TLE1: variants seen among roughly 807,000 people sequenced by gnomAD.
The protein encoded by TLE1 is TLE family member 1, transcriptional corepressor.
A neutral mutation model predicts 89.8 loss-of-function variants in TLE1; 21 were observed. That is an observed-to-expected ratio of 0.23 (90% CI 0.17 to 0.34). TLE1 has a LOEUF of 0.34. TLE1 is among the 10% of genes least tolerant of loss of function. The pLI, the probability that TLE1 is intolerant of heterozygous loss-of-function variation, is 1.00. For missense variants in TLE1, 795 were observed against 1,031.2 expected, an observed-to-expected ratio of 0.77 and a Z score of 3.14; for synonymous variants, 447 against 407.6, an observed-to-expected ratio of 1.10 and a Z score of -1.16.
intron 4 of TLE1, among the ~76,000 whole-genome samples, chr9:81,657,316 G>T (rs1252916718): frequency 6.6e-6 from 1 of 152,140 alleles, no homozygotes; most frequent in African/African-American, 2.4e-5. Flanking sequence ...TCAAATGAAA[G>T]CATTTTCTTC....
intron 9 of TLE1, among the ~76,000 whole-genome samples, chr9:81,617,580 C>T (rs1342519502): frequency 1.3e-5 from 2 of 152,014 alleles, no homozygotes; most frequent in African/African-American, 4.8e-5. Context: ...CGCATGCCTG[C>T]AGTCACAGCT....
chr9:81,656,145 A>G (rs1185001550), intron 4 of TLE1, among the ~76,000 whole-genome samples: 2 of 152,146 alleles, frequency 1.3e-5, no homozygotes, highest in Non-Finnish European at 2.9e-5. Context: ...ATATATGCAA[A>G]AAGGGTGCAG....
chr9:81,623,253 C>T (rs1825502676), intron 8 of TLE1, among the ~76,000 whole-genome samples: 1 of 152,060 alleles, frequency 6.6e-6, no homozygotes, highest in African/African-American at 2.4e-5. Flanking sequence ...CTGTGTGTTG[C>T]TTATGGCTCC....
chr9:81,625,344 GAAGAA>G (rs1274769735), intron 8 of TLE1, among the ~76,000 whole-genome samples: 1 of 152,178 alleles, frequency 6.6e-6, no homozygotes, highest in African/African-American at 2.4e-5. Context: ...GAGCTGGTCA[GAAGAA>G]AAGAGGAATG....
At chr9:81,685,545 G>A (rs981225745) in intron 4 of TLE1, 131 bp downstream of exon 4, 2 of 813,756 alleles carry the variant, frequency 2.5e-6, no homozygotes, top group South Asian at 1.8e-5. Flanking sequence ...CAATCCACAG[G>A]ACAGGAAACC....
chr9:81,628,181 G>A (rs1322419911), intron 8 of TLE1, among the ~76,000 whole-genome samples: 1 of 152,170 alleles, frequency 6.6e-6, no homozygotes, highest in Non-Finnish European at 1.5e-5. Flanking sequence ...GCGGTGGGAG[G>A]AGGGCATTCC....
At chr9:81,612,409 C>G in intron 12 of TLE1, 1 of 973,130 alleles carries the variant, frequency 1.0e-6, no homozygotes. Context: ...TTTACGTAAA[C>G]CAAAGCACGG....
intron 10 of TLE1, 138 bp from the exon 11 acceptor site, chr9:81,616,272 G>T: frequency 9.6e-7 from 1 of 1,038,374 alleles, no homozygotes. Flanking sequence ...CCAACACCAT[G>T]TTATAAATGA....
intron 1 of TLE1, among the ~76,000 whole-genome samples, chr9:81,687,755 C>G (rs1363647055): frequency 2.0e-5 from 3 of 151,960 alleles, no homozygotes; most frequent in Non-Finnish European, 2.9e-5. Flanking sequence ...TGTCGCCGCC[C>G]CTTCCCCCAC....
chr9:81,660,886 G>C (rs1830681893), intron 4 of TLE1, among the ~76,000 whole-genome samples: 1 of 148,380 alleles, frequency 6.7e-6, no homozygotes, highest in African/African-American at 2.5e-5. Flanking sequence ...CACGAGGTCA[G>C]GAGGTCAAGA....
chr9:81,586,736 GCT>G (rs1828525521), intron 17 of TLE1, among the ~76,000 whole-genome samples: 1 of 152,116 alleles, frequency 6.6e-6, no homozygotes, highest in Non-Finnish European at 1.5e-5. Context: ...TTTCATAAAT[GCT>G]TGGACATTTG....
chr9:81,624,441 C>T (rs1825671248), intron 8 of TLE1, among the ~76,000 whole-genome samples: 1 of 152,136 alleles, frequency 6.6e-6, no homozygotes, highest in African/African-American at 2.4e-5. Flanking sequence ...GACCTATTTG[C>T]CACTGCAGAC....
Position 81,633,610 on chromosome 9 carries a change from A to C in TLE1, c.578-246T>G, listed in dbSNP as rs895035749. The C allele has an allele frequency of 3.0e-5, 17 of 567,502 alleles. No homozygotes were observed. The East Asian group carries it at 3.9e-4, about 13-fold the overall frequency. The allele number at this position is 567,502 out of a possible 1,614,324, so 35.2% of individuals were successfully genotyped here. ...CTATTTTTTTATTTCTTGACAGAAT[A>C]AATTACTTTTCTTCAAAAAATTAGT... On this transcript the variant is annotated intron_variant, in intron 7 of 19. Coordinates refer to ENST00000376499, the MANE Select transcript of TLE1 (RefSeq NM_005077.5).
chr9:81,685,585 C>G, intron 4 of TLE1, 91 bp downstream of exon 4: 6 of 1,328,544 alleles, frequency 4.5e-6, no homozygotes, highest in Non-Finnish European at 6.3e-6. Context: ...CAAACCCCCA[C>G]CCCTAGAGCC....
At chr9:81,646,023 A>G (rs1828815830) in intron 6 of TLE1, among the ~76,000 whole-genome samples, 1 of 152,212 alleles carries the variant, frequency 6.6e-6, no homozygotes. Context: ...TAAAAATCAC[A>G]GGAAACTATG....
intron 4 of TLE1, among the ~76,000 whole-genome samples, chr9:81,676,041 C>T (rs1202069003): frequency 1.3e-5 from 2 of 152,120 alleles, no homozygotes; most frequent in Non-Finnish European, 2.9e-5. Flanking sequence ...AATCTGAATT[C>T]CATGGACTTG....
intron 6 of TLE1, among the ~76,000 whole-genome samples, chr9:81,636,489 T>G (rs1318057612): frequency 6.6e-6 from 1 of 151,584 alleles, no homozygotes; most frequent in Non-Finnish European, 1.5e-5. Context: ...CACAAGCAAG[T>G]GCAGCGGGTA....
chr9:81,686,311 C>G (rs894325188), intron 2 of TLE1, among the ~76,000 whole-genome samples: 1 of 152,186 alleles, frequency 6.6e-6, no homozygotes, highest in African/African-American at 2.4e-5. Context: ...GTTTGAAAAT[C>G]CTATCTGTTA....
chr9:81,632,332 T>A (rs890675681), intron 8 of TLE1, among the ~76,000 whole-genome samples: 1 of 152,074 alleles, frequency 6.6e-6, no homozygotes, highest in Non-Finnish European at 1.5e-5. Flanking sequence ...TCCAGATACA[T>A]GAAATATACC....
Sources: allele counts gnomAD v4.1 joint callset (sites outside exome capture counted in the v4.1 genomes callset), GRCh38; gene constraint gnomAD v4.1.1; transcripts MANE v1.5; gene names NCBI Gene and HGNC (gene_info 2026-07-23, HGNC 2026-07-21).